Variants in ASPH observed in about 807,000 individuals in gnomAD.
ASPH encodes aspartate beta-hydroxylase.
ASPH carries 100 observed loss-of-function variants against 118.4 expected under a neutral mutation model. That is an observed-to-expected ratio of 0.84 (90% CI 0.72 to 1.00). The LOEUF (loss-of-function observed/expected upper bound fraction) is 1.00, where lower values mean the gene tolerates loss of function less well. ASPH is among the 50% of genes least tolerant of loss of function. ASPH has a pLI of 0.00. For synonymous variants in ASPH, 315 were observed against 325.6 expected, an observed-to-expected ratio of 0.97 and a Z score of 0.35; for missense variants, 920 against 919.5, an observed-to-expected ratio of 1.00 and a Z score of -0.01.
intron 3 of ASPH, chr8:61,665,450 T>C: frequency 6.3e-7 from 1 of 1,584,510 alleles, no homozygotes; most frequent in Non-Finnish European, 8.6e-7. Context: ...CTTTTTACCC[T>C]TAGGAGACTC....
At chr8:61,590,420 C>T (rs1380767384) in intron 14 of ASPH, among the ~76,000 whole-genome samples, 2 of 152,106 alleles carry the variant, frequency 1.3e-5, no homozygotes, top group African/African-American at 4.8e-5. Context: ...CTCCCATCTG[C>T]ACCAGTGAAG....
chr8:61,589,076 G>T (rs915143114), intron 14 of ASPH, among the ~76,000 whole-genome samples: 3 of 152,214 alleles, frequency 2.0e-5, no homozygotes, highest in Non-Finnish European at 2.9e-5. Flanking sequence ...CAGAAAACAG[G>T]TAAGTGGCTT....
intron 3 of ASPH, among the ~76,000 whole-genome samples, chr8:61,677,642 A>G (rs1826026527): frequency 6.6e-6 from 1 of 152,168 alleles, no homozygotes; most frequent in Admixed American, 6.6e-5. Flanking sequence ...TGGTATTTAA[A>G]TTACTTTTTG....
intron 13 of ASPH, 118 bp from the exon 14 acceptor site, chr8:61,619,137 C>T: frequency 3.2e-6 from 2 of 633,106 alleles, no homozygotes; most frequent in African/African-American, 1.9e-5. Flanking sequence ...TATATCTGAG[C>T]ATACAATTCA....
intron 5 of ASPH, among the ~76,000 whole-genome samples, chr8:61,648,347 T>C (rs1312279610): frequency 6.6e-6 from 1 of 152,192 alleles, no homozygotes; most frequent in East Asian, 1.9e-4. Flanking sequence ...GGCAAGGCAA[T>C]GCTCTCAGGT....
intron 3 of ASPH, chr8:61,660,825 G>T (rs1408828507): frequency 6.6e-6 from 1 of 152,072 alleles, no homozygotes; most frequent in African/African-American, 2.4e-5. Context: ...TACAATGAGA[G>T]TTGCAGAAAT....
intron 4 of ASPH, among the ~76,000 whole-genome samples, 157 bp downstream of exon 4, chr8:61,653,411 T>C (rs1311480448): frequency 6.6e-6 from 1 of 152,248 alleles, no homozygotes. Context: ...CAATTTCTAC[T>C]AGAAAAATAC....
chr8:61,599,059 C>T (rs991391653), intron 14 of ASPH, among the ~76,000 whole-genome samples: 12 of 151,972 alleles, frequency 7.9e-5, no homozygotes, highest in African/African-American at 2.9e-4. Flanking sequence ...TTCAAATAAA[C>T]AACCTAATGA....
At chr8:61,625,904 C>G in intron 13 of ASPH, 1 of 1,034,598 alleles carries the variant, frequency 9.7e-7, no homozygotes, top group Non-Finnish European at 1.2e-6. Flanking sequence ...ATATGAAAAC[C>G]CTGCCAACAC....
intron 2 of ASPH, among the ~76,000 whole-genome samples, chr8:61,682,703 A>T (rs1234396521): frequency 6.6e-6 from 1 of 152,178 alleles, no homozygotes; most frequent in Non-Finnish European, 1.5e-5. Flanking sequence ...GAAAAACTTC[A>T]ATGAAAGACA....
In ASPH at chr8:61,525,925, A is replaced by G. The variant is rs1815160703; in HGVS notation, c.1900+52T>C. 9.9e-6 allele frequency: 16 copies of G among 1,608,898 alleles called. No individual in the cohort carries two copies. The South Asian group carries it at 1.7e-4, about 17-fold the overall frequency. ...CACCAGAAGACTCTTGTCAGTACCC[A>G]CTTCCCATCAGGTTTGGGCTGCAGA... On this transcript the variant is annotated intron_variant, in intron 22 of 24. Coordinates refer to ENST00000379454, the MANE Select transcript of ASPH (RefSeq NM_004318.4).
intron 10 of ASPH, among the ~76,000 whole-genome samples, chr8:61,640,710 C>T (rs1410043621): frequency 6.6e-6 from 1 of 152,210 alleles, no homozygotes; most frequent in African/African-American, 2.4e-5. Context: ...GGGTGTTCTT[C>T]ACTAGAACTG....
intron 1 of ASPH, among the ~76,000 whole-genome samples, chr8:61,693,656 G>A (rs1297128945): frequency 1.3e-5 from 2 of 152,150 alleles, no homozygotes; most frequent in African/African-American, 2.4e-5. Context: ...ACCACACGAC[G>A]CACAGAATGG....
At chr8:61,589,209 T>C (rs2132843497) in intron 14 of ASPH, among the ~76,000 whole-genome samples, 1 of 152,300 alleles carries the variant, frequency 6.6e-6, no homozygotes, top group Non-Finnish European at 1.5e-5. Context: ...CATCATAGAA[T>C]ACACACTATA....
In ASPH at chr8:61,643,374, C is replaced by A; in HGVS notation, c.757+12G>T. The A allele has an allele frequency of 6.3e-7, 1 of 1,596,054 alleles. No homozygotes were observed. The highest frequency in any genetic ancestry group is 1.3e-5 in the African/African-American group (1 of 74,612). On this transcript the variant is annotated intron_variant, in intron 9 of 24. Coordinates refer to ENST00000379454, the MANE Select transcript of ASPH (RefSeq NM_004318.4). The stretch of plus-strand genomic sequence containing the variant: ...TAATATTTTAAATCTAATGAAAATG[C>A]TCATCTAATACCTGTATCATGGTGC...
chr8:61,513,910 A>G (rs1266161964), intron 24 of ASPH, among the ~76,000 whole-genome samples: 1 of 152,122 alleles, frequency 6.6e-6, no homozygotes, highest in Non-Finnish European at 1.5e-5. Context: ...GCATGGACAC[A>G]AGGTGTTTGC....
At chr8:61,645,128 G>A (rs1324439328) in intron 6 of ASPH, among the ~76,000 whole-genome samples, 1 of 152,128 alleles carries the variant, frequency 6.6e-6, no homozygotes, top group Admixed American at 6.5e-5. Context: ...CTATCTGTCC[G>A]TCACCACACT....
chr8:61,659,457 T>C (rs1013702807), intron 3 of ASPH: 3 of 152,212 alleles, frequency 2.0e-5, no homozygotes, highest in African/African-American at 7.2e-5. Flanking sequence ...TTCTATGATG[T>C]ATGCATACCT....
At chr8:61,673,536 A>G (rs1823676263) in intron 3 of ASPH, among the ~76,000 whole-genome samples, 1 of 152,252 alleles carries the variant, frequency 6.6e-6, no homozygotes, top group Non-Finnish European at 1.5e-5. Context: ...CAACTCTGAA[A>G]AGGTAAAGTA....
Sources: allele counts gnomAD v4.1 joint callset (sites outside exome capture counted in the v4.1 genomes callset), GRCh38; gene constraint gnomAD v4.1.1; transcripts MANE v1.5; gene names NCBI Gene and HGNC (gene_info 2026-07-23, HGNC 2026-07-21).